Variants in VPS13B observed in about 807,000 individuals in gnomAD.
VPS13B encodes the protein intermembrane lipid transfer protein VPS13B.
VPS13B carries 285 observed loss-of-function variants against 426.4 expected under a neutral mutation model. That is an observed-to-expected ratio of 0.67 (90% CI 0.61 to 0.74). VPS13B has a LOEUF of 0.74. Ranked by LOEUF, VPS13B falls within the 30% of genes least tolerant of loss-of-function variation. The pLI is 0.00. For synonymous variants in VPS13B, 1,676 were observed against 1,676.4 expected (o/e 1.00, Z 0.01); for missense variants, 4,537 against 4,782.6 (o/e 0.95, Z 1.51).
intron 19 of VPS13B, among the ~76,000 whole-genome samples, chr8:99,376,418 C>G (rs560524612): frequency 1.3e-5 from 2 of 152,214 alleles, no homozygotes; most frequent in Non-Finnish European, 2.9e-5. Context: ...CTTTTATCAT[C>G]TATAACATTC....
chr8:99,417,053 A>G (rs1816059624), intron 21 of VPS13B, among the ~76,000 whole-genome samples: 1 of 152,188 alleles, frequency 6.6e-6, no homozygotes, highest in African/African-American at 2.4e-5. Flanking sequence ...ACATTTAATA[A>G]GATTTGTAGT....
intron 3 of VPS13B, among the ~76,000 whole-genome samples, chr8:99,054,175 C>A (rs1004826940): frequency 6.6e-6 from 1 of 152,170 alleles, no homozygotes; most frequent in Non-Finnish European, 1.5e-5. Flanking sequence ...GCTTTCAGTT[C>A]TTTTGCATAT....
chr8:99,254,415 T>G (rs1817647661), intron 17 of VPS13B, among the ~76,000 whole-genome samples: 1 of 151,984 alleles, frequency 6.6e-6, no homozygotes, highest in East Asian at 1.9e-4. Flanking sequence ...TCATTTCATT[T>G]TTCCCCCTCT....
chr8:99,639,273 T>A (rs1339934275), intron 33 of VPS13B, among the ~76,000 whole-genome samples: 1 of 152,104 alleles, frequency 6.6e-6, no homozygotes, highest in Non-Finnish European at 1.5e-5. Flanking sequence ...ATATATCATA[T>A]AATAGAAGTA....
At chr8:99,086,721 A>T (rs1318357996) in intron 3 of VPS13B, among the ~76,000 whole-genome samples, 1 of 152,164 alleles carries the variant, frequency 6.6e-6, no homozygotes. Context: ...CTGGAGGTCC[A>T]CTCCAGACCC....
chr8:99,833,107 T>C (rs927780934), intron 52 of VPS13B, among the ~76,000 whole-genome samples: 5 of 152,222 alleles, frequency 3.3e-5, no homozygotes, highest in African/African-American at 1.2e-4. Context: ...ATGGAATTTT[T>C]CTCAAAAAAG....
intron 16 of VPS13B, among the ~76,000 whole-genome samples, chr8:99,178,265 T>A (rs1370885087): frequency 2.6e-5 from 4 of 152,004 alleles, no homozygotes; most frequent in Non-Finnish European, 5.9e-5. Context: ...CACTAATGTG[T>A]CATCTAGCAT....
At chr8:99,168,711 A>G (rs1284954930) in intron 15 of VPS13B, among the ~76,000 whole-genome samples, 5 of 152,040 alleles carry the variant, frequency 3.3e-5, no homozygotes, top group African/African-American at 9.7e-5. Flanking sequence ...GATTTTAAGT[A>G]ATCATTTCAG....
chr8:99,309,300 T>C (rs1254649013), intron 19 of VPS13B, among the ~76,000 whole-genome samples: 1 of 152,150 alleles, frequency 6.6e-6, no homozygotes, highest in East Asian at 1.9e-4. Flanking sequence ...TCTTCTAGGG[T>C]TTTTATGGTT....
intron 24 of VPS13B, among the ~76,000 whole-genome samples, chr8:99,478,456 T>TTGTTTTG (rs1283554186): frequency 7.6e-6 from 1 of 131,876 alleles, no homozygotes; most frequent in African/African-American, 3.1e-5. Flanking sequence ...TGTTTTTTTT[T>TTGTTTTG]TTTTTTTTTG....
intron 39 of VPS13B, among the ~76,000 whole-genome samples, chr8:99,728,260 A>G (rs924410227): frequency 7.4e-4 from 113 of 152,326 alleles, no homozygotes; most frequent in African/African-American, 2.6e-3. Context: ...AATCCATCAC[A>G]TTAAATGCCC....
At position 99,230,431 on chromosome 8, in the gene VPS13B, T is replaced by C. The variant is rs551122452; in HGVS notation, c.2515+37374T>C. On this transcript the variant is annotated intron_variant, in intron 17 of 61. Coordinates refer to ENST00000357162, the MANE Select transcript of VPS13B (RefSeq NM_152564.5). ...CTTGAGGTCAGAAGTCCTCCTCCCA[T>C]AGGAAATTTTAGATCTCATTCCCCT... 5.2e-4 allele frequency among the ~76,000 whole-genome samples: 79 copies of C among 152,310 alleles called. 1 individual carries two copies. Among genetic ancestry groups the C allele is most frequent in the Middle Eastern group, 3.4e-3 (1 of 294 alleles).
At chr8:99,340,361 A>G in intron 19 of VPS13B, 1 of 404,432 alleles carries the variant, frequency 2.5e-6, no homozygotes, top group Admixed American at 3.0e-5. Context: ...GCAGCAACAT[A>G]AGCCAACTCT....
At chr8:99,656,623 A>G (rs1303470263) in intron 34 of VPS13B, among the ~76,000 whole-genome samples, 4 of 152,142 alleles carry the variant, frequency 2.6e-5, no homozygotes, top group Non-Finnish European at 5.9e-5. Flanking sequence ...GAAGACTAGG[A>G]GTCATGCCCC....
chr8:99,151,029 A>C (rs940793775), intron 14 of VPS13B, among the ~76,000 whole-genome samples: 1 of 152,202 alleles, frequency 6.6e-6, no homozygotes, highest in African/African-American at 2.4e-5. Flanking sequence ...GTTTCTCCAC[A>C]TCCCTACCAA....
chr8:99,035,010 A>G (rs1437558722), intron 2 of VPS13B, among the ~76,000 whole-genome samples: 2 of 152,232 alleles, frequency 1.3e-5, no homozygotes, highest in African/African-American at 4.8e-5. Context: ...AGACTGGGCA[A>G]CATAGTGAGA....
chr8:99,556,571 A>G lies in VPS13B; in HGVS notation c.4867A>G (p.Lys1623Glu). 2 of 1,613,278 alleles carry G rather than the reference A, an allele frequency of 1.2e-6. No individual in the cohort carries two copies. Among genetic ancestry groups the G allele is most frequent in the Non-Finnish European group, 1.7e-6 (2 of 1,179,500 alleles). ...ACAGTGGCATCAACTAAAACCAGAG[A>G]AGGAAAGTGTCTCAGGAGGGGTGGT... ...TAQWHQLKPE[K>E]ESVSGGVVTE... Residue 1623 changes from lysine to glutamate, a missense_variant, in exon 31 of 62, where the codon AAG (lysine) becomes GAG (glutamate). By Grantham distance (56) the Lys-to-Glu change is moderately conservative. Around this residue, in one of 2 missense-constraint regions of VPS13B, gnomAD observed 4,311 missense variants for 4,474.3 expected, o/e 0.96. Coordinates refer to ENST00000357162, the MANE Select transcript of VPS13B (RefSeq NM_152564.5).
At chr8:99,279,316 C>T (rs529341449) in intron 19 of VPS13B, among the ~76,000 whole-genome samples, 7 of 152,210 alleles carry the variant, frequency 4.6e-5, no homozygotes, top group East Asian at 1.9e-4. Context: ...TTAGACAGAA[C>T]GTTGCCCAGG....
intron 39 of VPS13B, among the ~76,000 whole-genome samples, chr8:99,752,166 G>C (rs1405894757): frequency 6.6e-6 from 1 of 151,534 alleles, no homozygotes; most frequent in Non-Finnish European, 1.5e-5. Context: ...AACATAGCAA[G>C]ACTCCATCTC....
Sources: allele counts gnomAD v4.1 joint callset (sites outside exome capture counted in the v4.1 genomes callset), GRCh38; gene constraint gnomAD v4.1.1; regional missense constraint gnomAD v4.1.1; transcripts MANE v1.5; gene names NCBI Gene and HGNC (gene_info 2026-07-23, HGNC 2026-07-21).